MIAT: variants seen among roughly 807,000 people sequenced by gnomAD.
MIAT encodes myocardial infarction associated transcript, also known as MI related novel mRNA.
chr22:26,668,350 C>T (rs981250859), exon 6 of MIAT: 29 of 398,598 alleles, frequency 7.3e-5, no homozygotes, highest in Non-Finnish European at 1.2e-4. Flanking sequence ...AGGAACTCTT[C>T]CTGGTTGATG....
chr22:26,668,107 G>A (rs1213885610), intron 5 of MIAT: 1 of 398,522 alleles, frequency 2.5e-6, no homozygotes, highest in Non-Finnish European at 4.4e-6. Flanking sequence ...GATGTGGGAA[G>A]TTGGGGATGG....
At chr22:26,659,628 A>T (rs1930584965) in intron 2 of MIAT, among the ~76,000 whole-genome samples, 1 of 151,888 alleles carries the variant, frequency 6.6e-6, no homozygotes, top group Admixed American at 6.5e-5. Flanking sequence ...GCTTGAACCC[A>T]GGAGTTCAAG....
chr22:26,661,253 C>T (rs1930651918), intron 2 of MIAT, among the ~76,000 whole-genome samples: 1 of 152,182 alleles, frequency 6.6e-6, no homozygotes, highest in African/African-American at 2.4e-5. Flanking sequence ...ACTCATCTGT[C>T]AGCTTGAGCT....
chr22:26,674,830 A>G (rs919877690), exon 5 of MIAT: 4 of 398,526 alleles, frequency 1.0e-5, no homozygotes, highest in Non-Finnish European at 4.4e-6. Flanking sequence ...CAAAGACTTG[A>G]TGCTGCTAAG....
At chr22:26,665,978 C>G (rs773616110) in exon 4 of MIAT, 90 of 398,510 alleles carry the variant, frequency 2.3e-4, no homozygotes, top group Non-Finnish European at 3.3e-4. Flanking sequence ...AGTTTCAGCA[C>G]TTTGTGATCA....
At chr22:26,661,461 T>C (rs1186456135) in intron 2 of MIAT, among the ~76,000 whole-genome samples, 1 of 152,094 alleles carries the variant, frequency 6.6e-6, no homozygotes, top group African/African-American at 2.4e-5. Context: ...TATTGTATAC[T>C]CAAAGGTGTG....
At chr22:26,666,587 C>T (rs1308577132) in exon 4 of MIAT, 1 of 398,560 alleles carries the variant, frequency 2.5e-6, no homozygotes, top group South Asian at 1.3e-4. Context: ...TATCACCAAG[C>T]TGCTGAGTTT....
At chr22:26,674,088 G>A (rs1003760418), downstream of MIAT, 68 of 398,474 alleles carry the variant, frequency 1.7e-4, no homozygotes, top group Admixed American at 4.0e-4. Flanking sequence ...TTCATTTTGG[G>A]GACTTTGTGT....
downstream of MIAT, chr22:26,670,240 T>G (rs1304644321): frequency 2.5e-6 from 1 of 398,292 alleles, no homozygotes; most frequent in Admixed American, 4.4e-5. Context: ...AATTCTACTC[T>G]CTCATCAGCA....
At chr22:26,672,052 T>C, downstream of MIAT, 1 of 399,344 alleles carries the variant, frequency 2.5e-6, no homozygotes, top group Non-Finnish European at 4.4e-6. Context: ...GTCTAACCCC[T>C]GGGGTGCCTC....
intron 2 of MIAT, among the ~76,000 whole-genome samples, chr22:26,661,957 TATATAC>T (rs1205506028): frequency 7.5e-4 from 42 of 56,172 alleles, no homozygotes; most frequent in South Asian, 2.1e-3. Context: ...TATATATATA[TATATAC>T]ACACACACAC....
intron 2 of MIAT, among the ~76,000 whole-genome samples, chr22:26,656,353 T>C (rs1454959669): frequency 2.7e-5 from 4 of 148,308 alleles, no homozygotes; most frequent in Non-Finnish European, 5.9e-5. Context: ...AGATGGGGTC[T>C]GGCTCTTGTC....
exon 4 of MIAT, chr22:26,666,734 T>C: frequency 2.5e-6 from 1 of 398,686 alleles, no homozygotes; most frequent in Non-Finnish European, 4.4e-6. Flanking sequence ...GTGGGGTGCC[T>C]GGGCCCAGCC....
At chr22:26,663,242 A>T (rs1602363204) in intron 2 of MIAT, 1 of 398,172 alleles carries the variant, frequency 2.5e-6, no homozygotes, top group Admixed American at 4.4e-5. Context: ...ACAGGACCTT[A>T]GCATCTATTC....
intron 2 of MIAT, among the ~76,000 whole-genome samples, chr22:26,657,991 G>T (rs1260746023): frequency 5.9e-5 from 9 of 152,132 alleles, no homozygotes; most frequent in African/African-American, 2.2e-4. Flanking sequence ...GACACAATTT[G>T]GGAGGTGGAC....
At chr22:26,652,502 C>T (rs1240788889) in intron 2 of MIAT, among the ~76,000 whole-genome samples, 3 of 152,004 alleles carry the variant, frequency 2.0e-5, no homozygotes, top group Admixed American at 1.3e-4. Flanking sequence ...GGATTACAGG[C>T]GCCGCCACCA....
At chr22:26,676,390 C>T (rs149955000) in exon 5 of MIAT, 5 of 398,622 alleles carry the variant, frequency 1.3e-5, no homozygotes, top group Admixed American at 4.4e-5. Flanking sequence ...AACAAAGGAG[C>T]GTCACTTGGA....
At chr22:26,664,005 C>CTT (rs202155948) in intron 3 of MIAT, among the ~76,000 whole-genome samples, 282 of 116,190 alleles carry the variant, frequency 2.4e-3, no homozygotes, top group East Asian at 2.9e-3. Context: ...CTGTGTTCAG[C>CTT]TTTTTTTTTT....
intron 5 of MIAT, chr22:26,667,868 A>T: frequency 4.3e-6 from 1 of 231,482 alleles, no homozygotes. Context: ...ACAGAGTCTC[A>T]TTATGTTGCC....
Sources: allele counts gnomAD v4.1 joint callset (sites outside exome capture counted in the v4.1 genomes callset), GRCh38; gene constraint gnomAD v4.1.1; transcripts MANE v1.5; gene names NCBI Gene and HGNC (gene_info 2026-07-23, HGNC 2026-07-21).